Variants in TRPM1 observed in about 807,000 individuals in gnomAD.
TRPM1 encodes TRPM1-203 APA Isoform, Intron 10.
TRPM1 carries 113 observed loss-of-function variants against 149.4 expected under a neutral mutation model. The ratio of observed to expected loss-of-function variants is 0.76; its 90% CI spans 0.65 to 0.88. TRPM1 has a LOEUF of 0.88. Among genes scored for constraint, TRPM1 ranks in the 40% least tolerant of loss-of-function variants. The pLI, the probability that TRPM1 is intolerant of heterozygous loss-of-function variation, is 0.00. For missense variants in TRPM1, 1,976 were observed against 2,038.7 expected (o/e 0.97, Z 0.59); for synonymous variants, 741 against 759.5 (o/e 0.98, Z 0.40).
At chr15:31,042,414 T>C in intron 16 of TRPM1, 171 bp from the exon 17 acceptor site, 1 of 707,690 alleles carries the variant, frequency 1.4e-6, no homozygotes, top group Non-Finnish European at 2.3e-6. Flanking sequence ...TGCACACGTT[T>C]ATTATGATAA....
intron 1 of TRPM1, among the ~76,000 whole-genome samples, chr15:31,087,877 T>C (rs1229721683): frequency 1.3e-5 from 2 of 152,172 alleles, no homozygotes; most frequent in East Asian, 3.8e-4. Context: ...GGGTAGTTTT[T>C]CCATTTTCTA....
At position 31,072,135 on chromosome 15, in the gene TRPM1, T is replaced by C. The variant is rs1467576863; in HGVS notation, c.84-1909A>G. Among the ~76,000 whole-genome samples, 7 of 150,796 alleles carry C rather than the reference T, an allele frequency of 4.6e-5. 1 individual carries two copies. The highest frequency in any genetic ancestry group is 4.6e-4 in the Admixed American group (7 of 15,152). ...CATTTTCATCACCTCAAAAAGAAAC[T>C]TGGCATGGCATATTTTAAGTTATCT... On this transcript the variant is annotated intron_variant, in intron 3 of 27. Transcript: ENST00000256552.
chr15:31,149,381 T>G (rs1310288353), intron 1 of TRPM1, among the ~76,000 whole-genome samples: 1 of 152,128 alleles, frequency 6.6e-6, no homozygotes, highest in African/African-American at 2.4e-5. Context: ...TTTTCAAGTA[T>G]TTCAGCAACT....
chr15:31,014,301 G>C (rs1368309660), intron 27 of TRPM1, among the ~76,000 whole-genome samples: 1 of 152,034 alleles, frequency 6.6e-6, no homozygotes, highest in Non-Finnish European at 1.5e-5. Flanking sequence ...TTAGTACTGG[G>C]CCTGTTCCAA....
chr15:31,105,808 G>C (rs1297238156), upstream of TRPM1, among the ~76,000 whole-genome samples: 3 of 152,282 alleles, frequency 2.0e-5, no homozygotes, highest in East Asian at 5.8e-4. Flanking sequence ...TTGATACACA[G>C]CGAGTTCGGG....
At chr15:31,141,536 A>C (rs892590670) in intron 1 of TRPM1, among the ~76,000 whole-genome samples, 3 of 152,184 alleles carry the variant, frequency 2.0e-5, no homozygotes, top group African/African-American at 7.2e-5. Flanking sequence ...AAGTAGGAGA[A>C]AGTGGTGCAA....
At chr15:31,101,392 C>T (rs1380354609) in intron 1 of TRPM1, among the ~76,000 whole-genome samples, 1 of 152,196 alleles carries the variant, frequency 6.6e-6, no homozygotes, top group African/African-American at 2.4e-5. Flanking sequence ...CCAGGCTGAA[C>T]ACAGGTTCAC....
At chr15:31,036,899 A>G (rs2033409050) in intron 20 of TRPM1, among the ~76,000 whole-genome samples, 1 of 152,110 alleles carries the variant, frequency 6.6e-6, no homozygotes, top group Non-Finnish European at 1.5e-5. Flanking sequence ...CGCCCAGACC[A>G]CGGCCAGGGA....
intron 27 of TRPM1, among the ~76,000 whole-genome samples, chr15:31,008,455 T>C (rs943606839): frequency 6.6e-6 from 1 of 152,218 alleles, no homozygotes; most frequent in Non-Finnish European, 1.5e-5. Flanking sequence ...TAGAAACATA[T>C]AGGGTTTTTT....
chr15:31,098,794 G>C (rs892234001), intron 1 of TRPM1, among the ~76,000 whole-genome samples: 1 of 152,054 alleles, frequency 6.6e-6, no homozygotes, highest in Non-Finnish European at 1.5e-5. Flanking sequence ...TGAGGGAGGA[G>C]GATACCTGTG....
chr15:31,087,460 T>C (rs536563268), intron 1 of TRPM1, among the ~76,000 whole-genome samples: 14 of 151,948 alleles, frequency 9.2e-5, no homozygotes, highest in African/African-American at 3.4e-4. Context: ...TTCACCATGT[T>C]AGCCAGGATG....
chr15:31,036,288 G>T (rs77849493), intron 20 of TRPM1, among the ~76,000 whole-genome samples: 1 of 152,102 alleles, frequency 6.6e-6, no homozygotes, highest in African/African-American at 2.4e-5. Context: ...GGGGGAGGAC[G>T]TCTGAAGTAG....
At chr15:31,062,776 G>A in intron 8 of TRPM1, 74 bp from the exon 9 acceptor site, 1 of 1,534,586 alleles carries the variant, frequency 6.5e-7, no homozygotes, top group Admixed American at 1.7e-5. Context: ...ACATATCTCT[G>A]TCTTTGATTT....
intron 11 of TRPM1, among the ~76,000 whole-genome samples, chr15:31,053,295 G>A (rs28792740): frequency 0.089 from 13,540 of 152,068 alleles, 644 homozygotes; most frequent in Non-Finnish European, 0.11. Context: ...TTGTTGCCCA[G>A]GCTGGAGTGC....
intron 27 of TRPM1, among the ~76,000 whole-genome samples, chr15:31,018,039 GTTTA>G (rs1007724688): frequency 2.6e-5 from 4 of 151,944 alleles, no homozygotes; most frequent in Admixed American, 6.6e-5. Flanking sequence ...TTATTTATTT[GTTTA>G]TTTATTTATT....
chr15:31,035,613 C>T lies in TRPM1; in HGVS notation c.2633G>A (p.Trp878Ter), dbSNP rs765645888. The stretch of plus-strand genomic sequence containing the variant: ...GACGATCCACTCCTGGAGGGACGGC[C>T]AGCCATCCATCCGCACCAGGATGAC... Reference protein sequence around the residue: ...NYVILVRMDGWPSLQEWIVIS... With the variant: ...NYVILVRMDG The change falls in exon 21 of 28, where the codon TGG (tryptophan) becomes TAG (stop). Residue 878 changes from tryptophan (W) to a stop codon, truncating the protein, a stop_gained. Coordinates refer to ENST00000256552, the MANE Select transcript of TRPM1 (RefSeq NM_001252024.2). LOFTEE classifies it high-confidence loss of function. The T allele has an allele frequency of 4.3e-6, 7 of 1,614,142 alleles. No homozygotes were observed. The Middle Eastern group carries it at 4.9e-4, about 114-fold the overall frequency.
intron 1 of TRPM1, among the ~76,000 whole-genome samples, chr15:31,090,465 C>T (rs2035204706): frequency 1.3e-5 from 2 of 151,978 alleles, no homozygotes. Flanking sequence ...GGTGAAATGC[C>T]ATCTTTACTA....
chr15:31,084,373 C>G (rs1404090176), intron 1 of TRPM1, among the ~76,000 whole-genome samples: 4 of 152,152 alleles, frequency 2.6e-5, no homozygotes, highest in Non-Finnish European at 5.9e-5. Context: ...CCTCCCTGAC[C>G]CTGCCCAGCT....
rs182206685 is a variant in TRPM1 at position 31,039,341 on chromosome 15, G to A, written c.2316+777C>T. ...ACTGTTTATTAATATCCTAAGTTATGTATAACATCAGCTTAGCATATTATA... is the reference window on the plus strand; with the variant it reads ...ACTGTTTATTAATATCCTAAGTTATATATAACATCAGCTTAGCATATTATA... On this transcript the variant is annotated intron_variant, in intron 18 of 27. Transcript: ENST00000256552. Among the ~76,000 whole-genome samples the A allele has an allele frequency of 3.3e-4, 50 of 152,246 alleles. No individual in the cohort carries two copies. The East Asian group carries it at 8.5e-3, about 26-fold the overall frequency.
Sources: gnomAD v4.1 joint callset for allele counts (sites outside exome capture counted in the v4.1 genomes callset) on GRCh38, gnomAD v4.1.1 for gene constraint, MANE v1.5 for transcripts, NCBI Gene and HGNC (gene_info 2026-07-23, HGNC 2026-07-21) for gene names.